Variants in ANO1 observed in about 807,000 individuals in gnomAD.
ANO1 encodes anoctamin 1, also known as anoctamin-1.
Under a neutral mutation model 124.0 loss-of-function variants are expected in ANO1, and 59 were observed. The ratio of observed to expected loss-of-function variants is 0.48; its 90% CI spans 0.39 to 0.59. ANO1 has a LOEUF of 0.59. Ranked by LOEUF, ANO1 falls within the 20% of genes least tolerant of loss-of-function variation. ANO1 has a pLI of 0.00. For missense variants in ANO1, 1,059 were observed against 1,328.0 expected (o/e 0.80, Z 3.15); for synonymous variants, 529 against 532.0 (o/e 0.99, Z 0.08).
intron 12 of ANO1, 48 bp downstream of exon 12, chr11:70,149,840 C>G (rs772555966): frequency 6.3e-7 from 1 of 1,592,994 alleles, no homozygotes; most frequent in South Asian, 1.1e-5. Flanking sequence ...CCCACGTTCC[C>G]CCTACCCCAG....
intron 2 of ANO1, among the ~76,000 whole-genome samples, chr11:70,101,219 C>T (rs2045258048): frequency 1.3e-5 from 2 of 151,536 alleles, no homozygotes; most frequent in Admixed American, 6.6e-5. Context: ...CTGGGACCGT[C>T]GCGTTCACAG....
At chr11:70,001,650 G>A (rs1483458684) in intron 1 of ANO1, among the ~76,000 whole-genome samples, 3 of 152,194 alleles carry the variant, frequency 2.0e-5, no homozygotes, top group African/African-American at 7.2e-5. Context: ...AACCAGAAGA[G>A]TGCCCTGAGG....
chr11:70,172,042 C>T (rs1181388285), intron 22 of ANO1, among the ~76,000 whole-genome samples: 1 of 150,474 alleles, frequency 6.6e-6, no homozygotes, highest in Non-Finnish European at 1.5e-5. Flanking sequence ...ATCATGTCAG[C>T]CCAGGAGGTC....
intron 10 of ANO1, among the ~76,000 whole-genome samples, chr11:70,126,732 T>C (rs1388153580): frequency 6.6e-6 from 1 of 151,490 alleles, no homozygotes; most frequent in African/African-American, 2.4e-5. Context: ...AGGCTGGTGC[T>C]TGCGGGAGGT....
rs2047037263 is a variant in ANO1, at chr11:70,138,618, A to C, written c.1258+6539A>C. 2.0e-5 allele frequency among the ~76,000 whole-genome samples: 3 copies of C among 152,152 alleles called. 1 individual carries two copies. The South Asian group carries it at 6.2e-4, about 32-fold the overall frequency. On this transcript the variant is annotated intron_variant, in intron 11 of 25. Coordinates refer to ENST00000355303, the MANE Select transcript of ANO1 (RefSeq NM_018043.7). ...CGTGCTGACTCACTAACTCCCCCCG[A>C]AGGAGGTAAATAGCTCTATGACCCC...
intron 12 of ANO1, among the ~76,000 whole-genome samples, chr11:70,151,578 G>A (rs1201415189): frequency 6.6e-6 from 1 of 152,176 alleles, no homozygotes; most frequent in Non-Finnish European, 1.5e-5. Context: ...CAACCCCTTG[G>A]GATCCCATTC....
At chr11:70,153,246 G>T (rs1049314050) in intron 14 of ANO1, 118 bp downstream of exon 14, 2 of 927,750 alleles carry the variant, frequency 2.2e-6, no homozygotes, top group Non-Finnish European at 3.3e-6. Context: ...CCGTGTTGCG[G>T]CTGCTCAACT....
chr11:70,182,556 A>G lies in ANO1; in HGVS notation c.2458A>G (p.Met820Val), dbSNP rs745962871. The change falls in exon 24 of 26, where the codon ATG becomes GTG. Residue 820 changes from methionine (M) to valine (V), a missense_variant. Around this residue, in one of 2 missense-constraint regions of ANO1, gnomAD observed 809 missense variants for 1,094.9 expected, o/e 0.74. Coordinates refer to ENST00000355303, the MANE Select transcript of ANO1 (RefSeq NM_018043.7). ...CATCCCGCGCCTGGTGTACCTCTAC[A>G]TGTACAGTAAGAACGGGACCATGCA... is the stretch of plus-strand genomic sequence containing the variant. ...DFIPRLVYLYMYSKNGTMHGF... is the reference protein window; with the variant it reads ...DFIPRLVYLYVYSKNGTMHGF... The G allele has an allele frequency of 2.5e-6, 4 of 1,612,758 alleles. No individual in the cohort carries two copies. Among genetic ancestry groups the G allele is most frequent in the Non-Finnish European group, 3.4e-6 (4 of 1,179,428 alleles).
chr11:70,013,660 G>A (rs1856642022), intron 1 of ANO1, among the ~76,000 whole-genome samples: 1 of 151,996 alleles, frequency 6.6e-6, no homozygotes, highest in Non-Finnish European at 1.5e-5. Context: ...AAATTAGCCA[G>A]GTGTGGTGAC....
intron 1 of ANO1, among the ~76,000 whole-genome samples, chr11:70,043,444 T>C (rs1347148140): frequency 6.6e-6 from 1 of 152,178 alleles, no homozygotes; most frequent in Non-Finnish European, 1.5e-5. Context: ...AACTTTCCTT[T>C]GTTAATGAGA....
chr11:69,997,000 C>A (rs1377308392), intron 1 of ANO1, among the ~76,000 whole-genome samples: 4 of 152,144 alleles, frequency 2.6e-5, no homozygotes, highest in African/African-American at 7.2e-5. Flanking sequence ...GGCCATGAGA[C>A]CTTAATGTGG....
intron 2 of ANO1, among the ~76,000 whole-genome samples, chr11:70,097,458 C>T (rs2045040301): frequency 6.6e-6 from 1 of 152,226 alleles, no homozygotes; most frequent in South Asian, 2.1e-4. Flanking sequence ...AAATACCAGG[C>T]ACCGGCAATG....
chr11:70,128,615 C>A (rs114200332), intron 10 of ANO1, among the ~76,000 whole-genome samples: 2 of 152,200 alleles, frequency 1.3e-5, no homozygotes, highest in Non-Finnish European at 2.9e-5. Flanking sequence ...GCCCAGCAGG[C>A]GACCTGGAGC....
chr11:70,181,071 C>G (rs1457794064), intron 23 of ANO1, among the ~76,000 whole-genome samples: 1 of 152,192 alleles, frequency 6.6e-6, no homozygotes. Context: ...CAGCTGTCCC[C>G]AGTACATACT....
intron 1 of ANO1, chr11:70,085,274 G>C (rs1359462725): frequency 2.9e-6 from 3 of 1,037,708 alleles, no homozygotes; most frequent in Non-Finnish European, 4.0e-6. Context: ...ATGGGGCTGG[G>C]CATGGGAACC....
chr11:70,121,388 CCTCTGT>C (rs1442390259), intron 8 of ANO1, among the ~76,000 whole-genome samples: 3 of 147,506 alleles, frequency 2.0e-5, no homozygotes, highest in Non-Finnish European at 4.5e-5. Flanking sequence ...TCTCCATCTG[CCTCTGT>C]CTCTGTCTCT....
chr11:70,111,740 C>T lies in ANO1; in HGVS notation c.833C>T (p.Ala278Val), dbSNP rs371652411. The change falls in exon 7 of 26, where the codon GCG (alanine) becomes GTG (valine). Residue 278 changes from alanine to valine, a missense_variant. By Grantham distance (64) the Ala-to-Val change is moderately conservative (BLOSUM62 0). This residue lies in a region of ANO1 where 809 missense variants were observed against 1,094.9 expected (regional missense o/e 0.74). Transcript: ENST00000355303. Reference protein sequence around the residue: ...ITSLLANGVYAAAYPLHDGDY... With the variant: ...ITSLLANGVYVAAYPLHDGDY... ...AGCCTGCTGGCCAATGGTGTGTACG[C>T]GGCTGCATACCCACTGCACGATGTA... 3.5e-5 allele frequency: 57 copies of T among 1,614,032 alleles called. No individual in the cohort carries two copies. The Middle Eastern group carries it at 1.6e-3, about 47-fold the overall frequency.
At chr11:70,011,885 C>A (rs1485857493) in intron 1 of ANO1, among the ~76,000 whole-genome samples, 1 of 152,212 alleles carries the variant, frequency 6.6e-6, no homozygotes, top group Admixed American at 6.5e-5. Context: ...TTGATAGCCA[C>A]CAATCCAGCC....
chr11:70,028,240 A>G (rs1405566086), intron 1 of ANO1, among the ~76,000 whole-genome samples: 2 of 152,148 alleles, frequency 1.3e-5, no homozygotes, highest in Non-Finnish European at 2.9e-5. Flanking sequence ...CTGGGGATTT[A>G]ATGTTTATTT....
Sources: allele counts gnomAD v4.1 joint callset (sites outside exome capture counted in the v4.1 genomes callset), GRCh38; gene constraint gnomAD v4.1.1; regional missense constraint gnomAD v4.1.1; transcripts MANE v1.5; gene names NCBI Gene and HGNC (gene_info 2026-07-23, HGNC 2026-07-21).